Variants in USP31 observed in about 807,000 individuals in gnomAD.
USP31 encodes the protein ubiquitin carboxyl-terminal hydrolase 31.
A neutral mutation model predicts 119.4 loss-of-function variants in USP31; 44 were observed. That is an observed-to-expected ratio of 0.37 (90% CI 0.29 to 0.47). The LOEUF (loss-of-function observed/expected upper bound fraction) is 0.47, where lower values mean the gene tolerates loss of function less well. Ranked by LOEUF, USP31 falls within the 20% of genes least tolerant of loss-of-function variation. USP31 has a pLI of 0.99. For missense variants in USP31, 1,643 were observed against 1,730.2 expected (o/e 0.95, Z 0.89); for synonymous variants, 749 against 705.6 (o/e 1.06, Z -0.97).
At chr16:23,087,659 G>T in intron 8 of USP31, 65 bp downstream of exon 8, 1 of 1,404,476 alleles carries the variant, frequency 7.1e-7, no homozygotes, top group Non-Finnish European at 9.9e-7. Flanking sequence ...AAATTTCATT[G>T]TAATGTTTGT....
At chr16:23,142,070 G>A (rs1418738583) in intron 1 of USP31, among the ~76,000 whole-genome samples, 7 of 152,158 alleles carry the variant, frequency 4.6e-5, no homozygotes, top group African/African-American at 1.2e-4. Flanking sequence ...ACTTAATCCT[G>A]TATTCCCAGC....
At chr16:23,070,727 T>A (rs1303585032) in intron 15 of USP31, among the ~76,000 whole-genome samples, 1 of 148,952 alleles carries the variant, frequency 6.7e-6, no homozygotes, top group East Asian at 2.0e-4. Context: ...AAAAAAAAAA[T>A]ACTCATAATC....
chr16:23,118,748 CTTA>C (rs1259229061), intron 1 of USP31, among the ~76,000 whole-genome samples: 1 of 152,154 alleles, frequency 6.6e-6, no homozygotes, highest in Non-Finnish European at 1.5e-5. Context: ...ACAGTTAATA[CTTA>C]TTGAGTGCTT....
In USP31 at chr16:23,091,895, AG is replaced by A. The variant is rs565983184; in HGVS notation, c.1235-1092del. Among the ~76,000 whole-genome samples, 438 of 152,374 alleles carry A rather than the reference AG, an allele frequency of 2.9e-3. 3 individuals are homozygous for A. The highest frequency in any genetic ancestry group is 0.01 in the African/African-American group (416 of 41,590). Reference sequence around the variant, plus strand: ...CCTAACCATTTTAAACTCTGGTATGAGAAAATAAAAATAATAGATATCTGAA... The same window carrying A: ...CCTAACCATTTTAAACTCTGGTATGAAAAATAAAAATAATAGATATCTGAA... On this transcript the variant is annotated intron_variant, in intron 6 of 15. Coordinates refer to ENST00000219689, the MANE Select transcript of USP31 (RefSeq NM_020718.4).
intron 13 of USP31, 197 bp from the exon 14 acceptor site, chr16:23,074,077 C>T (rs1471522198): frequency 1.6e-6 from 1 of 639,574 alleles, no homozygotes; most frequent in East Asian, 3.1e-5. Flanking sequence ...AAATTCCAAA[C>T]CATTCCAAGT....
intron 1 of USP31, among the ~76,000 whole-genome samples, chr16:23,135,513 CA>C: frequency 6.6e-6 from 1 of 151,878 alleles, no homozygotes; most frequent in African/African-American, 2.4e-5. Flanking sequence ...AATCAACATG[CA>C]AAAATCAATT....
Position 23,090,739 on chromosome 16 carries a change from G to A in USP31, c.1300C>T (p.Pro434Ser). Reference protein sequence around the residue: ...FGLDYHRLSSPTQTAAKQGKM... With the variant: ...FGLDYHRLSSSTQTAAKQGKM... Reference sequence around the variant, plus strand: ...CCCTGCTTTGCTGCTGTTTGTGTAGGAGAAGACAGTCTATGATAATCCAAG... The same window carrying A: ...CCCTGCTTTGCTGCTGTTTGTGTAGAAGAAGACAGTCTATGATAATCCAAG... Residue 434 changes from proline (P) to serine (S), a missense_variant, in exon 7 of 16, where the codon CCT (proline) becomes TCT (serine). Coordinates refer to ENST00000219689, the MANE Select transcript of USP31 (RefSeq NM_020718.4). 6.2e-7 allele frequency: 1 copy of A among 1,613,866 alleles called. No homozygotes were observed. The highest frequency in any genetic ancestry group is 1.7e-5 in the Admixed American group (1 of 60,020).
chr16:23,108,237 A>C (rs1040638060), intron 1 of USP31, 54 bp from the exon 2 acceptor site: 8 of 1,543,228 alleles, frequency 5.2e-6, no homozygotes, highest in Non-Finnish European at 6.1e-6. Flanking sequence ...GCTTTAAAGA[A>C]AAACTATTTA....
At position 23,069,578 on chromosome 16, in the gene USP31, G is replaced by A. The variant is rs145213440; in HGVS notation, c.2527C>T (p.Arg843Cys). The change falls in exon 16 of 16, where the codon CGT becomes TGT. Residue 843 changes from arginine to cysteine, a missense_variant. Physicochemically the swap from Arg to Cys is radical, Grantham distance 180. Around this residue, in one of 5 missense-constraint regions of USP31, gnomAD observed 699 missense variants for 650.9 expected, o/e 1.07. Coordinates refer to ENST00000219689, the MANE Select transcript of USP31 (RefSeq NM_020718.4). ...GAAGATCTGGATGACAAACTCTGACGCTGGACACTTCTCACAAATGGTCGA... is the reference window on the plus strand; with the variant it reads ...GAAGATCTGGATGACAAACTCTGACACTGGACACTTCTCACAAATGGTCGA... ...STRPFVRSVQ[R>C]QSLSSRSSVT... 1.7e-5 allele frequency: 27 copies of A among 1,612,310 alleles called. No homozygotes were observed. Among genetic ancestry groups the A allele is most frequent in the East Asian group, 2.2e-5 (1 of 44,810 alleles).
chr16:23,125,396 C>G (rs1226299514), intron 1 of USP31, among the ~76,000 whole-genome samples: 1 of 152,192 alleles, frequency 6.6e-6, no homozygotes, highest in African/African-American at 2.4e-5. Flanking sequence ...TTGACAGAAT[C>G]CGGGAAGGGG....
intron 1 of USP31, among the ~76,000 whole-genome samples, chr16:23,141,769 A>G (rs902126927): frequency 6.6e-6 from 1 of 152,222 alleles, no homozygotes; most frequent in East Asian, 1.9e-4. Flanking sequence ...AAGGGACCAC[A>G]TGGCCTTTTA....
At chr16:23,101,947 T>C (rs1478462522) in intron 6 of USP31, among the ~76,000 whole-genome samples, 2 of 127,016 alleles carry the variant, frequency 1.6e-5, no homozygotes, top group Non-Finnish European at 1.6e-5. Context: ...AATGTTAGAA[T>C]CTTAAGAGCT....
intron 1 of USP31, among the ~76,000 whole-genome samples, chr16:23,141,943 A>G (rs1260077172): frequency 1.3e-5 from 2 of 152,124 alleles, no homozygotes; most frequent in African/African-American, 4.8e-5. Context: ...TTCATACACA[A>G]TGATCTCACC....
chr16:23,114,582 C>T (rs1178082267), intron 1 of USP31, among the ~76,000 whole-genome samples: 2 of 152,070 alleles, frequency 1.3e-5, no homozygotes, highest in Non-Finnish European at 2.9e-5. Context: ...GTGGAGACTA[C>T]GTTCAATTAT....
chr16:23,076,668 G>A (rs1192540573), intron 13 of USP31, among the ~76,000 whole-genome samples: 2 of 152,202 alleles, frequency 1.3e-5, no homozygotes, highest in Admixed American at 6.5e-5. Flanking sequence ...TATATATAAA[G>A]AGCAACACGA....
At chr16:23,091,253 C>T (rs1453071991) in intron 6 of USP31, among the ~76,000 whole-genome samples, 2 of 152,230 alleles carry the variant, frequency 1.3e-5, no homozygotes, top group African/African-American at 4.8e-5. Flanking sequence ...TTACACACTA[C>T]ACCTACTAGA....
intron 1 of USP31, among the ~76,000 whole-genome samples, chr16:23,135,611 G>C (rs1431161734): frequency 6.6e-6 from 1 of 151,368 alleles, no homozygotes; most frequent in African/African-American, 2.4e-5. Context: ...AAAATACTTA[G>C]GAATAAATTT....
intron 6 of USP31, among the ~76,000 whole-genome samples, chr16:23,099,115 C>T (rs978240234): frequency 1.3e-5 from 2 of 152,004 alleles, no homozygotes; most frequent in African/African-American, 2.4e-5. Context: ...AGAACTCAAA[C>T]GAATTTACAA....
At chr16:23,102,532 T>C (rs758881845) in intron 5 of USP31, 69 bp from the exon 6 acceptor site, 32 of 1,541,460 alleles carry the variant, frequency 2.1e-5, no homozygotes, top group Non-Finnish European at 2.6e-5. Context: ...CCCAATTCTA[T>C]GAACTTCTCC....
Sources: gnomAD v4.1 joint callset for allele counts (sites outside exome capture counted in the v4.1 genomes callset) on GRCh38, gnomAD v4.1.1 for gene constraint, gnomAD v4.1.1 regional missense constraint, MANE v1.5 for transcripts, NCBI Gene and HGNC (gene_info 2026-07-23, HGNC 2026-07-21) for gene names.